The following ARHGEF33 variants were observed in gnomAD, a reference collection of about 807,000 sequenced individuals.
The protein encoded by ARHGEF33 is Rho guanine nucleotide exchange factor 33, also known as DH and coiled-coil domain-containing protein ENSP00000381780.
ARHGEF33 carries 72 observed loss-of-function variants against 101.9 expected under a neutral mutation model. The ratio of observed to expected loss-of-function variants is 0.71; its 90% CI spans 0.58 to 0.86. The LOEUF is 0.86. Among genes scored for constraint, ARHGEF33 ranks in the 40% least tolerant of loss-of-function variants. ARHGEF33 has a pLI of 0.00. For synonymous variants in ARHGEF33, 499 were observed against 442.5 expected (o/e 1.13, Z -1.60); for missense variants, 1,169 against 1,111.3 (o/e 1.05, Z -0.74).
At chr2:38,970,581 A>G (rs1359157330) in intron 17 of ARHGEF33, among the ~76,000 whole-genome samples, 1 of 152,252 alleles carries the variant, frequency 6.6e-6, no homozygotes, top group Non-Finnish European at 1.5e-5. Flanking sequence ...GTTTCTCAAT[A>G]AGCCATTTGA....
At chr2:38,890,696 A>G (rs1665977497) in intron 1 of ARHGEF33, among the ~76,000 whole-genome samples, 1 of 152,188 alleles carries the variant, frequency 6.6e-6, no homozygotes, top group Admixed American at 6.5e-5. Flanking sequence ...TCTCTATATC[A>G]CCCTTTTATA....
At chr2:38,959,759 C>A (rs750991621) in intron 15 of ARHGEF33, 82 bp from the exon 16 acceptor site, 1 of 1,416,988 alleles carries the variant, frequency 7.1e-7, no homozygotes. Flanking sequence ...CGGAGCGCGG[C>A]CCCGAGGGGC....
chr2:38,955,062 A>G (rs1001316522), intron 13 of ARHGEF33, among the ~76,000 whole-genome samples: 10 of 152,164 alleles, frequency 6.6e-5, no homozygotes, highest in Non-Finnish European at 1.3e-4. Context: ...GATTCTAAGC[A>G]CCTCATCCAG....
intron 11 of ARHGEF33, 104 bp from the exon 12 acceptor site, chr2:38,953,058 G>C (rs574841616): frequency 1.5e-6 from 1 of 652,918 alleles, no homozygotes; most frequent in African/African-American, 1.8e-5. Context: ...AAATGAATAA[G>C]ATAATCTCTG....
At chr2:38,953,861 G>A (rs1398702624) in intron 12 of ARHGEF33, among the ~76,000 whole-genome samples, 1 of 152,196 alleles carries the variant, frequency 6.6e-6, no homozygotes, top group African/African-American at 2.4e-5. Context: ...TACCATGTTA[G>A]CTTTCAGCAA....
intron 2 of ARHGEF33, among the ~76,000 whole-genome samples, chr2:38,918,972 G>C (rs1339764522): frequency 6.6e-6 from 1 of 152,050 alleles, no homozygotes; most frequent in Admixed American, 6.6e-5. Context: ...CTTGAGCCCA[G>C]GAGGTCAAAG....
chr2:38,912,122 T>C (rs1666522691), intron 2 of ARHGEF33, among the ~76,000 whole-genome samples: 1 of 152,214 alleles, frequency 6.6e-6, no homozygotes, highest in Admixed American at 6.5e-5. Context: ...TTAACATTAT[T>C]TTCCCCAGTG....
intron 12 of ARHGEF33, among the ~76,000 whole-genome samples, chr2:38,953,513 A>G (rs1667663565): frequency 6.6e-6 from 1 of 152,188 alleles, no homozygotes; most frequent in South Asian, 2.1e-4. Flanking sequence ...CATTCTATGC[A>G]GAGATCTCCA....
At chr2:38,916,458 A>T (rs559422621) in intron 2 of ARHGEF33, among the ~76,000 whole-genome samples, 1 of 152,342 alleles carries the variant, frequency 6.6e-6, no homozygotes, top group African/African-American at 2.4e-5. Flanking sequence ...AATGGATTAG[A>T]TATCAAGTAA....
intron 15 of ARHGEF33, chr2:38,959,147 G>C (rs1047187793): frequency 6.6e-6 from 1 of 152,162 alleles, no homozygotes; most frequent in Non-Finnish European, 1.5e-5. Context: ...CCCTATCCTA[G>C]TTTGTAAACT....
intron 2 of ARHGEF33, among the ~76,000 whole-genome samples, chr2:38,909,501 T>TC (rs1056220274): frequency 6.7e-6 from 1 of 150,294 alleles, no homozygotes; most frequent in Non-Finnish European, 1.5e-5. Context: ...TCTTTTTTTT[T>TC]TTTTTTTTTG....
At chr2:38,944,233 A>G (rs1034468053) in intron 10 of ARHGEF33, among the ~76,000 whole-genome samples, 27 of 152,204 alleles carry the variant, frequency 1.8e-4, no homozygotes, top group Admixed American at 1.8e-3. Flanking sequence ...CTTTTAATGA[A>G]CAGAAATTTA....
chr2:38,911,164 G>A (rs1319001589), intron 2 of ARHGEF33, among the ~76,000 whole-genome samples: 1 of 152,040 alleles, frequency 6.6e-6, no homozygotes, highest in Non-Finnish European at 1.5e-5. Context: ...AAAGCAAATA[G>A]CCCTTTTCAT....
At chr2:38,959,698 G>A (rs1667863240) in intron 15 of ARHGEF33, 143 bp from the exon 16 acceptor site, 4 of 891,896 alleles carry the variant, frequency 4.5e-6, no homozygotes, top group Non-Finnish European at 6.6e-6. Flanking sequence ...GTTCGTGGGA[G>A]CGCCTTAGTG....
intron 4 of ARHGEF33, among the ~76,000 whole-genome samples, chr2:38,925,480 C>T (rs1666850758): frequency 6.6e-6 from 1 of 152,160 alleles, no homozygotes; most frequent in Non-Finnish European, 1.5e-5. Context: ...GATCGATAAG[C>T]ACACCAGGCT....
chr2:38,926,415 T>C lies in ARHGEF33; in HGVS notation c.76-2492T>C, dbSNP rs543812174. 3.9e-5 allele frequency among the ~76,000 whole-genome samples: 6 copies of C among 152,302 alleles called. No homozygotes were observed. In the South Asian group the frequency reaches 1.2e-3, roughly 32 times the overall value. The stretch of plus-strand genomic sequence containing the variant: ...CAGGGTCGGTAGTTGAAAACCGCTC[T>C]GTAGGGGCTAAAGATACTAAGATCC... On this transcript the variant is annotated intron_variant, in intron 4 of 17. Coordinates refer to ENST00000409978, the MANE Select transcript of ARHGEF33 (RefSeq NM_001145451.5).
chr2:38,974,637 T>C lies in ARHGEF33; in HGVS notation c.*794T>C, dbSNP rs1668237225. On this transcript the variant is annotated 3_prime_UTR_variant, in exon 18 of 18. Coordinates refer to ENST00000409978, the MANE Select transcript of ARHGEF33 (RefSeq NM_001145451.5). ...CAGTATTCAAGACCCACTCGTGATC[T>C]TGAGTGTCACACACACTCACAACCA... The C allele has an allele frequency of 6.6e-6, 1 of 152,228 alleles. No homozygotes were observed. Among genetic ancestry groups the C allele is most frequent in the Non-Finnish European group, 1.5e-5 (1 of 68,050 alleles). The allele number at this position is 152,228 out of a possible 1,614,324, so 9.4% of individuals were successfully genotyped here. A position where few individuals can be genotyped will look rare whatever the true frequency, so the allele number is the denominator to read the frequency against.
At chr2:38,956,799 G>A in intron 13 of ARHGEF33, 100 bp from the exon 14 acceptor site, 7 of 1,359,378 alleles carry the variant, frequency 5.1e-6, no homozygotes, top group Non-Finnish European at 6.0e-6. Context: ...TGATTAAATG[G>A]CTATGAATCT....
intron 13 of ARHGEF33, among the ~76,000 whole-genome samples, chr2:38,955,596 C>CT (rs1310728384): frequency 6.9e-6 from 1 of 145,976 alleles, no homozygotes; most frequent in Non-Finnish European, 1.5e-5. Context: ...ACCTCCCAGG[C>CT]TCAAGCAATG....
Sources: gnomAD v4.1 joint callset for allele counts (sites outside exome capture counted in the v4.1 genomes callset) on GRCh38, gnomAD v4.1.1 for gene constraint, MANE v1.5 for transcripts, NCBI Gene and HGNC (gene_info 2026-07-23, HGNC 2026-07-21) for gene names.